Variants in PTPRD observed in about 807,000 individuals in gnomAD.
PTPRD encodes the protein receptor-type tyrosine-protein phosphatase delta.
In PTPRD, 34 loss-of-function variants were observed where a neutral mutation model predicts 214.5. The ratio of observed to expected loss-of-function variants is 0.16; its 90% CI spans 0.12 to 0.21. The LOEUF (loss-of-function observed/expected upper bound fraction) is 0.21, where lower values mean the gene tolerates loss of function less well. Ranked by LOEUF, PTPRD falls within the 10% of genes least tolerant of loss-of-function variation. The pLI is 1.00. For synonymous variants in PTPRD, 1,128 were observed against 845.7 expected, an observed-to-expected ratio of 1.33 and a Z score of -5.79; for missense variants, 2,545 against 2,398.7, an observed-to-expected ratio of 1.06 and a Z score of -1.27.
chr9:8,505,624 C>CAAAAAAAAAAAA (rs954059567), intron 22 of PTPRD, among the ~76,000 whole-genome samples: 2 of 55,712 alleles, frequency 3.6e-5, no homozygotes, highest in African/African-American at 8.3e-5. Flanking sequence ...GACTCTGTCT[C>CAAAAAAAAAAAA]AAAAAAAAAA....
At chr9:8,975,205 C>T (rs1307507911) in intron 11 of PTPRD, among the ~76,000 whole-genome samples, 1 of 151,362 alleles carries the variant, frequency 6.6e-6, no homozygotes, top group African/African-American at 2.4e-5. Context: ...AAATAAACTT[C>T]TACTTTACCC....
Position 8,617,269 on chromosome 9 carries a change from A to ATGAAGATGTCTACTCAG in PTPRD, c.352+16031_352+16047dup, listed in dbSNP as rs1268249647. Among the ~76,000 whole-genome samples, 4 of 152,214 alleles carry ATGAAGATGTCTACTCAG rather than the reference A, an allele frequency of 2.6e-5. No individual in the cohort carries two copies. In the East Asian group the frequency reaches 7.7e-4, roughly 29 times the overall value. On this transcript the variant is annotated intron_variant, in intron 14 of 45. Coordinates refer to ENST00000381196, the MANE Select transcript of PTPRD (RefSeq NM_002839.4). ...AAAGATGGGAAAGAAGGCTGGGAGA[A>ATGAAGATGTCTACTCAG]TGAAGATGTCTACTCAGTGTCTCTG...
In PTPRD at chr9:9,044,633, C is replaced by T. The variant is rs116605633; in HGVS notation, c.-142-25898G>A. Among the ~76,000 whole-genome samples, 555 of 152,276 alleles carry T rather than the reference C, an allele frequency of 3.6e-3. 1 individual carries two copies. Among genetic ancestry groups the T allele is most frequent in the African/African-American group, 0.012 (494 of 41,560 alleles). On this transcript the variant is annotated intron_variant, in intron 10 of 45. Transcript: ENST00000381196. ...TAAAAGCTGCACTTTAGAGAAAGCA[C>T]ATCCTAACTTGGAATTTATCAGGAC...
intron 34 of PTPRD, chr9:8,438,613 T>A (rs1047103310): frequency 6.6e-6 from 1 of 152,232 alleles, no homozygotes; most frequent in Non-Finnish European, 1.5e-5. Context: ...TAGGTGACTT[T>A]AGGCTTATCT....
chr9:8,660,446 T>A (rs2097017831), intron 12 of PTPRD, among the ~76,000 whole-genome samples: 1 of 152,286 alleles, frequency 6.6e-6, no homozygotes, highest in Non-Finnish European at 1.5e-5. Flanking sequence ...ATAACACTTA[T>A]CCAAATTAGT....
chr9:9,556,585 T>C (rs1190580733), intron 8 of PTPRD, among the ~76,000 whole-genome samples: 2 of 152,248 alleles, frequency 1.3e-5, no homozygotes, highest in Non-Finnish European at 2.9e-5. Flanking sequence ...TCCCACATTG[T>C]AGATCCTCAG....
chr9:9,014,579 T>G (rs1342075382), intron 11 of PTPRD, among the ~76,000 whole-genome samples: 1 of 152,114 alleles, frequency 6.6e-6, no homozygotes, highest in Non-Finnish European at 1.5e-5. Flanking sequence ...GAAGAGGAAA[T>G]ATGTGTGTTT....
At chr9:10,321,607 G>C (rs2096554110) in intron 3 of PTPRD, among the ~76,000 whole-genome samples, 1 of 150,510 alleles carries the variant, frequency 6.6e-6, no homozygotes, top group African/African-American at 2.4e-5. Flanking sequence ...AAAAGCGGGG[G>C]TGGAATGGAT....
intron 5 of PTPRD, among the ~76,000 whole-genome samples, chr9:9,771,801 A>T (rs1334526990): frequency 1.3e-5 from 2 of 152,178 alleles, no homozygotes; most frequent in Non-Finnish European, 2.9e-5. Context: ...TATTAAATCC[A>T]ATGTCTTTGT....
chr9:9,622,075 A>G (rs2095262031), intron 7 of PTPRD, among the ~76,000 whole-genome samples: 1 of 152,180 alleles, frequency 6.6e-6, no homozygotes, highest in Non-Finnish European at 1.5e-5. Context: ...ACTTTCTCAA[A>G]ACACAGACTC....
At position 8,846,806 on chromosome 9, in the gene PTPRD, C is replaced by T. The variant is rs1303839787; in HGVS notation, c.-103-112860G>A. Among the ~76,000 whole-genome samples the T allele has an allele frequency of 2.6e-5, 4 of 152,144 alleles. No individual in the cohort carries two copies. The South Asian group carries it at 8.3e-4, about 32-fold the overall frequency. ...AGAGACAAAGCAGAGGAAAGGACAT[C>T]AAAGGCCAGGTGCCTTTTGGTAAGG... On this transcript the variant is annotated intron_variant, in intron 11 of 45. Coordinates refer to ENST00000381196, the MANE Select transcript of PTPRD (RefSeq NM_002839.4).
rs1187628677 is a variant in PTPRD, at chr9:8,528,760, G to A, written c.372C>T (p.Gly124=). ...GTGGGCCCATGTCAATGGTAGGGAAGCCCCTGGGAATTTGATCTTCTGCAA... is the reference window on the plus strand; with the variant it reads ...GTGGGCCCATGTCAATGGTAGGGAAACCCCTGGGAATTTGATCTTCTGCAA... ...TVLREDQIPR[G]FPTIDMGPQL... Residue 124 remains glycine (G), a synonymous_variant, in exon 15 of 46, where the codon GGC becomes GGT. Transcript: ENST00000381196. 1.9e-6 allele frequency: 3 copies of A among 1,613,200 alleles called. No homozygotes were observed. Among genetic ancestry groups the A allele is most frequent in the African/African-American group, 2.7e-5 (2 of 74,858 alleles).
At chr9:8,384,654 G>C (rs1247984160) in intron 37 of PTPRD, among the ~76,000 whole-genome samples, 2 of 152,130 alleles carry the variant, frequency 1.3e-5, no homozygotes, top group Non-Finnish European at 2.9e-5. Context: ...CGCCTCCTGA[G>C]TAGCTGGGAT....
At chr9:9,753,719 T>C (rs1159781003) in intron 6 of PTPRD, among the ~76,000 whole-genome samples, 1 of 152,000 alleles carries the variant, frequency 6.6e-6, no homozygotes, top group South Asian at 2.1e-4. Context: ...GTGTCGCAGA[T>C]GCTCTCTGAA....
rs1851372617 is a variant in PTPRD at position 8,340,396 on chromosome 9, C to G, written c.5200G>C (p.Glu1734Gln). The change falls in exon 42 of 46, where the codon GAA becomes CAA. Residue 1734 changes from glutamate (E) to glutamine (Q), a missense_variant. Transcript: ENST00000381196. ...TTEDFWRMLW[E>Q]HNSTIVVMLT... is the part of the protein sequence containing the mutation. The stretch of plus-strand genomic sequence containing the variant: ...ATCACAACTATGGTGGAATTGTGTT[C>G]CCAGAGCATCCGCCAGAAGTCTTCA... 1 of 1,610,848 alleles carries G rather than the reference C, an allele frequency of 6.2e-7. No homozygotes were observed. The highest frequency in any genetic ancestry group is 1.7e-5 in the Admixed American group (1 of 59,834).
At chr9:8,572,689 T>A (rs1002321091) in intron 14 of PTPRD, among the ~76,000 whole-genome samples, 2 of 151,920 alleles carry the variant, frequency 1.3e-5, no homozygotes, top group Non-Finnish European at 2.9e-5. Context: ...CAGAAATAGA[T>A]TATATCAAAA....
chr9:8,426,035 G>C (rs1171355377), intron 35 of PTPRD, among the ~76,000 whole-genome samples: 3 of 152,008 alleles, frequency 2.0e-5, no homozygotes, highest in East Asian at 3.9e-4. Context: ...CTTTTTGGAA[G>C]AATGAGAAGA....
At chr9:9,060,589 G>T (rs529550380) in intron 10 of PTPRD, among the ~76,000 whole-genome samples, 34 of 152,002 alleles carry the variant, frequency 2.2e-4, no homozygotes, top group Admixed American at 1.3e-3. Flanking sequence ...ACTAAGAGAA[G>T]ATATTTTTCA....
chr9:9,819,296 C>T (rs2049898611), intron 5 of PTPRD, among the ~76,000 whole-genome samples: 1 of 152,138 alleles, frequency 6.6e-6, no homozygotes, highest in Non-Finnish European at 1.5e-5. Flanking sequence ...GTCTCTATAA[C>T]TATTTATTTT....
Sources: gnomAD v4.1 joint callset for allele counts (sites outside exome capture counted in the v4.1 genomes callset) on GRCh38, gnomAD v4.1.1 for gene constraint, MANE v1.5 for transcripts, NCBI Gene and HGNC (gene_info 2026-07-23, HGNC 2026-07-21) for gene names.